Variants in PTPRD observed in about 807,000 individuals in gnomAD.
PTPRD encodes protein tyrosine phosphatase receptor type D.
A neutral mutation model predicts 214.5 loss-of-function variants in PTPRD; 34 were observed. The observed-to-expected ratio is 0.16, with a 90% CI of 0.12 to 0.21. PTPRD has a LOEUF of 0.21. PTPRD is among the 10% of genes least tolerant of loss of function. PTPRD has a pLI of 1.00. For synonymous variants in PTPRD, 1,128 were observed against 845.7 expected, an observed-to-expected ratio of 1.33 and a Z score of -5.79; for missense variants, 2,545 against 2,398.7, an observed-to-expected ratio of 1.06 and a Z score of -1.27.
At chr9:10,188,872 G>A (rs889071919) in intron 3 of PTPRD, among the ~76,000 whole-genome samples, 1 of 152,124 alleles carries the variant, frequency 6.6e-6, no homozygotes, top group African/African-American at 2.4e-5. Context: ...CCCACAACTT[G>A]GAGCTTAACA....
rs1328429096 is a variant in PTPRD at position 10,194,341 on chromosome 9, TATATAGAGAGAGAGAGAGAG to T, written c.-545+146602_-545+146621del. Among the ~76,000 whole-genome samples, 286 of 59,086 alleles carry T rather than the reference TATATAGAGAGAGAGAGAGAG, an allele frequency of 4.8e-3. 2 individuals are homozygous for T. Among genetic ancestry groups the T allele is most frequent in the East Asian group, 0.021 (43 of 2,004 alleles). The allele number at this position is 59,086 out of a possible 152,430, so 38.8% of individuals were successfully genotyped here. A position where few individuals can be genotyped will look rare whatever the true frequency, so the allele number is the denominator to read the frequency against. ...TCATATATATATATATATATATATA[TATATAGAGAGAGAGAGAGAG>T]AGAGAGAGAGAGAGAGAGAGAGAGA... On this transcript the variant is annotated intron_variant, in intron 3 of 45. Coordinates refer to ENST00000381196, the MANE Select transcript of PTPRD (RefSeq NM_002839.4).
intron 35 of PTPRD, among the ~76,000 whole-genome samples, chr9:8,413,188 T>C (rs1042963532): frequency 6.6e-6 from 1 of 152,214 alleles, no homozygotes; most frequent in African/African-American, 2.4e-5. Flanking sequence ...TAAACATAGA[T>C]GTATTTTAGG....
intron 9 of PTPRD, among the ~76,000 whole-genome samples, chr9:9,371,988 T>C (rs969140193): frequency 1.3e-5 from 2 of 152,216 alleles, no homozygotes; most frequent in African/African-American, 4.8e-5. Flanking sequence ...CAGTTTGTTA[T>C]AATTTCTGTT....
chr9:10,139,167 T>C (rs1171550609), intron 3 of PTPRD, among the ~76,000 whole-genome samples: 1 of 152,028 alleles, frequency 6.6e-6, no homozygotes, highest in Non-Finnish European at 1.5e-5. Context: ...AAAAGGCACT[T>C]AGAACTGATG....
chr9:9,767,917 G>A (rs955095543), intron 5 of PTPRD, among the ~76,000 whole-genome samples: 3 of 152,120 alleles, frequency 2.0e-5, no homozygotes, highest in Admixed American at 6.5e-5. Flanking sequence ...AGATGTCTAT[G>A]GAGCTACTGG....
chr9:9,880,763 A>G (rs1332912907), intron 5 of PTPRD, among the ~76,000 whole-genome samples: 1 of 152,298 alleles, frequency 6.6e-6, no homozygotes, highest in East Asian at 1.9e-4. Flanking sequence ...TGAGACTATT[A>G]AATTCAGCCA....
At chr9:9,157,234 G>A (rs1333729632) in intron 10 of PTPRD, among the ~76,000 whole-genome samples, 1 of 151,710 alleles carries the variant, frequency 6.6e-6, no homozygotes, top group Non-Finnish European at 1.5e-5. Flanking sequence ...AGAAAAAGAA[G>A]AACAAACCAA....
intron 37 of PTPRD, among the ~76,000 whole-genome samples, chr9:8,379,665 G>C (rs887980187): frequency 1.6e-4 from 24 of 152,078 alleles, no homozygotes; most frequent in Admixed American, 1.4e-3. Flanking sequence ...AATATCATAA[G>C]GTATTTCTAG....
At chr9:8,670,604 G>C (rs188937072) in intron 12 of PTPRD, among the ~76,000 whole-genome samples, 1 of 152,164 alleles carries the variant, frequency 6.6e-6, no homozygotes, top group South Asian at 2.1e-4. Context: ...CCATACTTTC[G>C]CGTTCTAAAC....
intron 7 of PTPRD, among the ~76,000 whole-genome samples, chr9:9,638,554 C>T (rs1349403817): frequency 6.6e-6 from 1 of 152,156 alleles, no homozygotes; most frequent in Non-Finnish European, 1.5e-5. Flanking sequence ...CCCTTCTTTT[C>T]TTCTGAGCCC....
chr9:8,480,757 C>T (rs963844230), intron 30 of PTPRD, among the ~76,000 whole-genome samples: 3 of 152,086 alleles, frequency 2.0e-5, no homozygotes, highest in Non-Finnish European at 4.4e-5. Flanking sequence ...AATGAATACA[C>T]AAATCAAGGA....
At chr9:8,581,225 G>A (rs746644630) in intron 14 of PTPRD, among the ~76,000 whole-genome samples, 6 of 151,960 alleles carry the variant, frequency 3.9e-5, no homozygotes, top group Non-Finnish European at 7.4e-5. Context: ...AAATTAAAGA[G>A]TTAATATTTC....
At chr9:10,454,990 C>A (rs2098897038) in intron 2 of PTPRD, among the ~76,000 whole-genome samples, 1 of 151,644 alleles carries the variant, frequency 6.6e-6, no homozygotes, top group African/African-American at 2.4e-5. Flanking sequence ...ATATTTTCTC[C>A]AGAGATGCAT....
intron 8 of PTPRD, among the ~76,000 whole-genome samples, chr9:9,427,636 G>C (rs2081454709): frequency 6.6e-6 from 1 of 152,148 alleles, no homozygotes; most frequent in African/African-American, 2.4e-5. Context: ...TGAAAAGAAG[G>C]AGAAAATGTT....
intron 44 of PTPRD, among the ~76,000 whole-genome samples, chr9:8,324,435 C>CT (rs1831545522): frequency 6.6e-6 from 1 of 152,070 alleles, no homozygotes; most frequent in Non-Finnish European, 1.5e-5. Context: ...TGAACTCATC[C>CT]TTTTTTATGG....
intron 9 of PTPRD, among the ~76,000 whole-genome samples, chr9:9,243,342 G>A (rs1320321099): frequency 1.3e-5 from 2 of 152,052 alleles, no homozygotes. Flanking sequence ...AACAAAAAAA[G>A]AGAATTTTAG....
intron 3 of PTPRD, among the ~76,000 whole-genome samples, chr9:10,262,335 C>A (rs191893823): frequency 7.1e-4 from 108 of 152,294 alleles, no homozygotes; most frequent in African/African-American, 2.4e-3. Flanking sequence ...GATACTATCA[C>A]AATACCTTAC....
At chr9:10,607,256 CATT>C (rs1386867172) in intron 2 of PTPRD, among the ~76,000 whole-genome samples, 11 of 151,712 alleles carry the variant, frequency 7.3e-5, no homozygotes, top group African/African-American at 2.4e-4. Context: ...TACATGGACT[CATT>C]ATTAAAGGCA....
chr9:9,115,661 A>G (rs981152315), intron 10 of PTPRD, among the ~76,000 whole-genome samples: 2 of 152,164 alleles, frequency 1.3e-5, no homozygotes, highest in Non-Finnish European at 2.9e-5. Context: ...TCATTTTATA[A>G]AAAAGACACC....
Sources: allele counts gnomAD v4.1 joint callset (sites outside exome capture counted in the v4.1 genomes callset), GRCh38; gene constraint gnomAD v4.1.1; transcripts MANE v1.5; gene names NCBI Gene and HGNC (gene_info 2026-07-23, HGNC 2026-07-21).